The following ALK variants were observed in gnomAD, a reference collection of about 807,000 sequenced individuals.
ALK encodes ALK receptor tyrosine kinase.
Under a neutral mutation model 163.1 loss-of-function variants are expected in ALK, and 74 were observed. The ratio of observed to expected loss-of-function variants is 0.45; its 90% CI spans 0.38 to 0.55. The LOEUF (loss-of-function observed/expected upper bound fraction) is 0.55, where lower values mean the gene tolerates loss of function less well. Among genes scored for constraint, ALK ranks in the 20% least tolerant of loss-of-function variants. The probability of loss-of-function intolerance (pLI) is 0.00; values close to 1 mark genes in which losing one functional copy is unlikely to be tolerated. For synonymous variants in ALK, 960 were observed against 843.2 expected, an observed-to-expected ratio of 1.14 and a Z score of -2.40; for missense variants, 2,063 against 2,105.3, an observed-to-expected ratio of 0.98 and a Z score of 0.39.
intron 4 of ALK, among the ~76,000 whole-genome samples, chr2:29,423,994 CTTTTCAGGCCTTT>C (rs1265054334): frequency 1.3e-5 from 2 of 152,306 alleles, no homozygotes; most frequent in East Asian, 3.9e-4. Context: ...TGGAATATAT[CTTTTCAGGCCTTT>C]TTTTCATGTA....
chr2:29,215,805 C>T (rs1014777185), intron 23 of ALK, among the ~76,000 whole-genome samples: 4 of 152,218 alleles, frequency 2.6e-5, no homozygotes, highest in Non-Finnish European at 4.4e-5. Flanking sequence ...GACCCGGGCT[C>T]CACCCTGCTG....
intron 3 of ALK, among the ~76,000 whole-genome samples, chr2:29,620,737 A>T (rs1676011476): frequency 6.6e-6 from 1 of 152,226 alleles, no homozygotes; most frequent in Non-Finnish European, 1.5e-5. Flanking sequence ...TCTAAATGTT[A>T]GCAGAGTATT....
At chr2:29,500,013 C>G (rs950990389) in intron 4 of ALK, among the ~76,000 whole-genome samples, 1 of 152,044 alleles carries the variant, frequency 6.6e-6, no homozygotes, top group African/African-American at 2.4e-5. Context: ...TCTCGCTGTT[C>G]CTTAAGGTTG....
chr2:29,829,929 G>C (rs1665318802), intron 1 of ALK, among the ~76,000 whole-genome samples: 1 of 152,174 alleles, frequency 6.6e-6, no homozygotes, highest in African/African-American at 2.4e-5. Flanking sequence ...TCAGCCTCTG[G>C]GTGAACATTT....
chr2:29,472,702 C>T (rs753751328), intron 4 of ALK, among the ~76,000 whole-genome samples: 3 of 151,830 alleles, frequency 2.0e-5, no homozygotes, highest in Non-Finnish European at 4.4e-5. Flanking sequence ...ATACTGTATA[C>T]AACAAAAATT....
intron 3 of ALK, among the ~76,000 whole-genome samples, chr2:29,662,004 G>A (rs1677362565): frequency 6.6e-6 from 1 of 152,094 alleles, no homozygotes; most frequent in African/African-American, 2.4e-5. Flanking sequence ...CTACCTCCCA[G>A]GTTCAAGCAA....
chr2:29,597,594 T>A (rs1280093261), intron 3 of ALK, among the ~76,000 whole-genome samples: 1 of 152,206 alleles, frequency 6.6e-6, no homozygotes, highest in Non-Finnish European at 1.5e-5. Context: ...ACCTGACAAC[T>A]AAGAGGTCTC....
At chr2:29,674,390 G>T (rs1203601965) in intron 3 of ALK, among the ~76,000 whole-genome samples, 1 of 151,688 alleles carries the variant, frequency 6.6e-6, no homozygotes, top group African/African-American at 2.4e-5. Flanking sequence ...ATGAAGGGTT[G>T]TTGAATTTTG....
At chr2:29,748,750 C>T (rs1282850477) in intron 1 of ALK, among the ~76,000 whole-genome samples, 1 of 151,916 alleles carries the variant, frequency 6.6e-6, no homozygotes, top group Non-Finnish European at 1.5e-5. Context: ...ACTAACATAT[C>T]ACTTTTTTTT....
chr2:29,888,193 C>A (rs2148422613), intron 1 of ALK, among the ~76,000 whole-genome samples: 1 of 150,464 alleles, frequency 6.6e-6, no homozygotes, highest in South Asian at 2.1e-4. Context: ...CATGGCTGTT[C>A]CTAGCTGTGG....
chr2:29,673,156 C>T lies in ALK; in HGVS notation c.952+21694G>A, dbSNP rs1222534201. 1.8e-3 allele frequency among the ~76,000 whole-genome samples: 259 copies of T among 143,870 alleles called. 1 individual carries two copies. Among genetic ancestry groups the T allele is most frequent in the African/African-American group, 6.8e-3 (238 of 35,100 alleles). The allele number at this position is 143,870 out of a possible 152,430, so 94.4% of individuals were successfully genotyped here. A position where few individuals can be genotyped will look rare whatever the true frequency, so the allele number is the denominator to read the frequency against. On this transcript the variant is annotated intron_variant, in intron 3 of 28. Transcript: ENST00000389048. ...TGTTCACTCTGATGGTAGTTTCTTT[C>T]GCTGTACAGAAGCTCTTTAGTTTAA... is the stretch of plus-strand genomic sequence containing the variant.
At chr2:29,763,986 G>GGGAGGT (rs1680788237) in intron 1 of ALK, among the ~76,000 whole-genome samples, 1 of 152,132 alleles carries the variant, frequency 6.6e-6, no homozygotes, top group Non-Finnish European at 1.5e-5. Context: ...CAGCCACCTG[G>GGGAGGT]GGAGGTGGAG....
chr2:29,760,424 G>A (rs1026296338), intron 1 of ALK, among the ~76,000 whole-genome samples: 1 of 152,178 alleles, frequency 6.6e-6, no homozygotes, highest in Non-Finnish European at 1.5e-5. Context: ...GTGAGAAAAT[G>A]CATTTAAGAG....
At chr2:29,588,338 C>T (rs1674948424) in intron 3 of ALK, among the ~76,000 whole-genome samples, 1 of 152,184 alleles carries the variant, frequency 6.6e-6, no homozygotes, top group Non-Finnish European at 1.5e-5. Context: ...TCAAGCGATT[C>T]TTGCGTCTCA....
At chr2:29,635,789 T>A (rs3055128) in intron 3 of ALK, among the ~76,000 whole-genome samples, 1,737 of 148,338 alleles carry the variant, frequency 0.012, 15 homozygotes, top group African/African-American at 0.022. Context: ...TTTTTTTTTT[T>A]AATTATACTT....
intron 4 of ALK, among the ~76,000 whole-genome samples, chr2:29,409,049 T>C (rs1669663303): frequency 1.3e-5 from 2 of 152,216 alleles, no homozygotes; most frequent in Non-Finnish European, 2.9e-5. Flanking sequence ...TGTTGTACTT[T>C]GCATCCTGGA....
intron 4 of ALK, among the ~76,000 whole-genome samples, chr2:29,506,752 A>T (rs1672337717): frequency 2.0e-5 from 2 of 100,036 alleles, no homozygotes; most frequent in African/African-American, 6.0e-5. Flanking sequence ...TCTCAAAAAC[A>T]AAACAAAAAA....
At chr2:29,258,314 T>C (rs1172091395) in intron 11 of ALK, among the ~76,000 whole-genome samples, 1 of 152,246 alleles carries the variant, frequency 6.6e-6, no homozygotes, top group South Asian at 2.1e-4. Flanking sequence ...TTGTGTCTGA[T>C]TATTGCTCTC....
intron 9 of ALK, among the ~76,000 whole-genome samples, chr2:29,283,955 C>G (rs767595511): frequency 6.6e-6 from 1 of 151,956 alleles, no homozygotes; most frequent in East Asian, 1.9e-4. Context: ...ACCTTGCTCC[C>G]GAGGATTTCA....
Sources: gnomAD v4.1 joint callset for allele counts (sites outside exome capture counted in the v4.1 genomes callset) on GRCh38, gnomAD v4.1.1 for gene constraint, MANE v1.5 for transcripts, NCBI Gene and HGNC (gene_info 2026-07-23, HGNC 2026-07-21) for gene names.